WNK1: variants seen among roughly 807,000 people sequenced by gnomAD.
WNK1 encodes the protein WNK lysine deficient protein kinase 1.
WNK1 carries 38 observed loss-of-function variants against 222.8 expected under a neutral mutation model. That is an observed-to-expected ratio of 0.17 (90% CI 0.13 to 0.22). The LOEUF is 0.22. Ranked by LOEUF, WNK1 falls within the 10% of genes least tolerant of loss-of-function variation. WNK1 has a pLI of 1.00. For synonymous variants in WNK1, 1,090 were observed against 1,092.9 expected (o/e 1.00, Z 0.05); for missense variants, 2,348 against 2,918.4 (o/e 0.80, Z 4.50).
At chr12:803,487 A>G (rs571772190) in intron 1 of WNK1, among the ~76,000 whole-genome samples, 1 of 152,328 alleles carries the variant, frequency 6.6e-6, no homozygotes, top group African/African-American at 2.4e-5. Flanking sequence ...AAAATAATCT[A>G]AAAGAAATAT....
Position 815,332 on chromosome 12 carries a change from T to C in WNK1, c.932+1518T>C, listed in dbSNP as rs368279140. 4.6e-4 allele frequency among the ~76,000 whole-genome samples: 70 copies of C among 152,368 alleles called. 2 individuals carry two copies. The highest frequency in any genetic ancestry group is 1.7e-3 in the African/African-American group (69 of 41,582). ...TATATTCTTTATTAATTGTTAAAGT[T>C]AATACTGCTGAGCTGATTAATTCCA... On this transcript the variant is annotated intron_variant, in intron 2 of 27. Transcript: ENST00000315939.
Position 878,367 on chromosome 12 carries a change from CT to C in WNK1, c.2373+21del, listed in dbSNP as rs5795952. On this transcript the variant is annotated splice_region_variant and intron_variant, in intron 10 of 27. Transcript: ENST00000315939. ...AAGTATCAGCTGGAAAACAGGTAAA[CT>C]TTTTTTTTTTTTTTAAACAGGTAAA... 0.013 allele frequency: 18,125 copies of C among 1,422,948 alleles called. No homozygotes were observed. Among genetic ancestry groups the C allele is most frequent in the Middle Eastern group, 0.02 (107 of 5,384 alleles). The allele number at this position is 1,422,948 out of a possible 1,614,324, so 88.1% of individuals were successfully genotyped here.
In WNK1 at chr12:880,947, G is replaced by C. The variant is rs1953097783; in HGVS notation, c.3059G>C (p.Gly1020Ala). 6.2e-7 allele frequency: 1 copy of C among 1,614,030 alleles called. No homozygotes were observed. The highest frequency in any genetic ancestry group is 8.5e-7 in the Non-Finnish European group (1 of 1,180,044). Residue 1020 changes from glycine to alanine, a missense_variant, in exon 12 of 28, where the codon GGA becomes GCA. Physicochemically the swap from Gly to Ala is moderately conservative, Grantham distance 60 (BLOSUM62 0). Transcript: ENST00000315939. ...GGACAGGTTCAAGTGTCCCAGCCAG[G>C]AGGGAGTTTAGCACAAGCCCCCACT... ...VGGQVQVSQP[G>A]GSLAQAPTTS...
At chr12:891,822 C>T (rs1030415019) in intron 22 of WNK1, among the ~76,000 whole-genome samples, 1 of 151,354 alleles carries the variant, frequency 6.6e-6, no homozygotes, top group Non-Finnish European at 1.5e-5. Flanking sequence ...CCTAGCTAAT[C>T]GGGAGGCTGA....
At chr12:826,972 T>G in intron 2 of WNK1, 70 bp from the exon 3 acceptor site, 8 of 1,269,762 alleles carry the variant, frequency 6.3e-6, no homozygotes, top group Non-Finnish European at 9.1e-6. Context: ...ATGTTAGAAT[T>G]TAATGGAATT....
intron 1 of WNK1, among the ~76,000 whole-genome samples, chr12:792,787 T>C (rs1415924837): frequency 6.6e-6 from 1 of 152,150 alleles, no homozygotes; most frequent in Non-Finnish European, 1.5e-5. Flanking sequence ...GTATTTCCAA[T>C]TCTTCATGCT....
Position 896,376 on chromosome 12 carries a change from T to C in WNK1, c.5889T>C (p.Thr1963=). Residue 1963 remains threonine (T), a synonymous_variant, in exon 24 of 28, where the codon ACT becomes ACC. Coordinates refer to ENST00000315939, the MANE Select transcript of WNK1 (RefSeq NM_018979.4). Reference sequence around the variant, plus strand: ...TGGGTCGTTTCTCTGTATCAAAAACTGAGGACAAGATCACTGACACAAAGA... The same window carrying C: ...TGGGTCGTTTCTCTGTATCAAAAACCGAGGACAAGATCACTGACACAAAGA... ...NKVGRFSVSK[T]EDKITDTKKE... is the part of the protein sequence containing the mutation. The C allele has an allele frequency of 6.2e-7, 1 of 1,614,048 alleles. No homozygotes were observed. Among genetic ancestry groups the C allele is most frequent in the Non-Finnish European group, 8.5e-7 (1 of 1,179,990 alleles).
chr12:889,089 T>G, intron 20 of WNK1, 51 bp from the exon 21 acceptor site: 1 of 1,485,822 alleles, frequency 6.7e-7, no homozygotes, highest in South Asian at 1.1e-5. Context: ...CTATATATCG[T>G]GACTCTGAAG....
intron 23 of WNK1, 96 bp downstream of exon 23, chr12:894,731 G>C: frequency 8.8e-7 from 1 of 1,135,466 alleles, no homozygotes; most frequent in Admixed American, 1.7e-5. Context: ...ACAATTGCCA[G>C]TCTAGTGATT....
At chr12:770,629 A>G (rs1225148903) in intron 1 of WNK1, among the ~76,000 whole-genome samples, 1 of 152,170 alleles carries the variant, frequency 6.6e-6, no homozygotes, top group Non-Finnish European at 1.5e-5. Context: ...AAATATCTTA[A>G]TACCTTCCTT....
Position 827,821 on chromosome 12 carries a change from G to A in WNK1, c.1153+559G>A, listed in dbSNP as rs758224673. ...TGGGATTACAGGCGTGAGCCACCCC[G>A]CCCAGCCAGCCATCTTTTCATTACA... On this transcript the variant is annotated intron_variant, in intron 3 of 27. Coordinates refer to ENST00000315939, the MANE Select transcript of WNK1 (RefSeq NM_018979.4). The surrounding 1 kb of genome is among the most constrained non-coding windows in gnomAD (Gnocchi z 4.6). Among the ~76,000 whole-genome samples, 4 of 152,080 alleles carry A rather than the reference G, an allele frequency of 2.6e-5. No homozygotes were observed. The highest frequency in any genetic ancestry group is 1.9e-4 in the East Asian group (1 of 5,170).
chr12:899,034 C>T (rs1954993162), intron 25 of WNK1, among the ~76,000 whole-genome samples: 2 of 152,190 alleles, frequency 1.3e-5, no homozygotes, highest in South Asian at 4.1e-4. Context: ...GCCACCGTGC[C>T]CGGCCCTGGA....
intron 1 of WNK1, among the ~76,000 whole-genome samples, chr12:797,235 TCTTA>T (rs1275807693): frequency 6.7e-4 from 102 of 152,332 alleles, no homozygotes; most frequent in African/African-American, 2.4e-3. Context: ...ATTGTGTCAT[TCTTA>T]CTGTGATTAC....
intron 2 of WNK1, among the ~76,000 whole-genome samples, chr12:820,651 T>A (rs1438226185): frequency 6.6e-6 from 1 of 151,928 alleles, no homozygotes; most frequent in Non-Finnish European, 1.5e-5. Context: ...ATTTTTAAAT[T>A]TTTCATAAAG....
At chr12:772,406 T>G (rs3072703) in intron 1 of WNK1, among the ~76,000 whole-genome samples, 1,023 of 72,178 alleles carry the variant, frequency 0.014, 7 homozygotes, top group African/African-American at 0.038. Flanking sequence ...ATAATTGGGG[T>G]GTGTGTGTGT....
In WNK1 at chr12:758,489, G is replaced by T. The variant is rs563115902; in HGVS notation, c.759+4165G>T. ...TGCAAGCTCCACTTCCTGGGTTCAC[G>T]CCATTCTCCTGCCTCAGCCTCCCGA... is the stretch of plus-strand genomic sequence containing the variant. On this transcript the variant is annotated intron_variant, in intron 1 of 27. Transcript: ENST00000315939. Among the ~76,000 whole-genome samples, 11 of 128,874 alleles carry T rather than the reference G, an allele frequency of 8.5e-5. No individual in the cohort carries two copies. In the Admixed American group the frequency reaches 9.7e-4, roughly 11 times the overall value. The allele number at this position is 128,874 out of a possible 152,430, so 84.5% of individuals were successfully genotyped here.
At chr12:892,277 T>C (rs992620233) in intron 22 of WNK1, among the ~76,000 whole-genome samples, 1 of 152,088 alleles carries the variant, frequency 6.6e-6, no homozygotes, top group African/African-American at 2.4e-5. Context: ...CAAACTCTTT[T>C]TCTGTAAAGG....
chr12:819,119 A>T (rs571573667), intron 2 of WNK1, among the ~76,000 whole-genome samples: 43 of 152,284 alleles, frequency 2.8e-4, no homozygotes, highest in African/African-American at 8.2e-4. Flanking sequence ...ACATCTTTTC[A>T]TATGCTTATT....
chr12:826,170 A>G (rs1278669054), intron 2 of WNK1, among the ~76,000 whole-genome samples: 1 of 152,252 alleles, frequency 6.6e-6, no homozygotes, highest in Non-Finnish European at 1.5e-5. Flanking sequence ...GAAATGTTGT[A>G]TAACGTACAC....
Sources: allele counts gnomAD v4.1 joint callset (sites outside exome capture counted in the v4.1 genomes callset), GRCh38; gene constraint gnomAD v4.1.1; non-coding constraint Gnocchi (gnomAD v3.1); transcripts MANE v1.5; gene names NCBI Gene and HGNC (gene_info 2026-07-23, HGNC 2026-07-21).